Variants in TTL observed in about 807,000 individuals in gnomAD.
The protein encoded by TTL is tubulin tyrosine ligase, also known as tubulin--tyrosine ligase.
A neutral mutation model predicts 41.1 loss-of-function variants in TTL; 10 were observed. The ratio of observed to expected loss-of-function variants is 0.24; its 90% CI spans 0.15 to 0.41. TTL has a LOEUF of 0.41. Among genes scored for constraint, TTL ranks in the 10% least tolerant of loss-of-function variants. The pLI is 1.00. For missense variants in TTL, 367 were observed against 460.4 expected (o/e 0.80, Z 1.86); for synonymous variants, 175 against 175.5 (o/e 1.00, Z 0.02).
At chr2:112,510,450 A>G (rs573089068) in intron 5 of TTL, among the ~76,000 whole-genome samples, 1 of 152,016 alleles carries the variant, frequency 6.6e-6, no homozygotes, top group Admixed American at 6.6e-5. Flanking sequence ...TTAAGGTGAA[A>G]GTTTAAATAA....
chr2:112,521,148 A>G, intron 6 of TTL: 1 of 984,346 alleles, frequency 1.0e-6, no homozygotes, highest in Non-Finnish European at 1.2e-6. Context: ...CCGCTGCACC[A>G]AAGGTTGGTG....
Position 112,531,700 on chromosome 2 carries a change from T to A in TTL, c.*2905T>A, listed in dbSNP as rs1682513138. Reference sequence around the variant, plus strand: ...AGGCTTATGACTTAAAAAAAAAAATTCTTTTTGGAAACACAAGCATTTCTT... The same window carrying A: ...AGGCTTATGACTTAAAAAAAAAAATACTTTTTGGAAACACAAGCATTTCTT... On this transcript the variant is annotated 3_prime_UTR_variant, in exon 7 of 7. Coordinates refer to ENST00000233336, the MANE Select transcript of TTL (RefSeq NM_153712.5). 1 of 223,228 alleles carries A rather than the reference T, an allele frequency of 4.5e-6. No individual in the cohort carries two copies. The highest frequency in any genetic ancestry group is 1.8e-4 in the South Asian group (1 of 5,438). 13.8% of individuals were successfully genotyped at this position (223,228 alleles called of 1,614,324 possible).
chr2:112,502,003 C>T (rs1681714191), intron 4 of TTL, among the ~76,000 whole-genome samples: 1 of 152,296 alleles, frequency 6.6e-6, no homozygotes, highest in African/African-American at 2.4e-5. Context: ...ACAGGTTGTG[C>T]AACCTTGCCA....
intron 5 of TTL, among the ~76,000 whole-genome samples, chr2:112,512,625 G>A (rs185671034): frequency 9.9e-5 from 15 of 151,218 alleles, no homozygotes; most frequent in East Asian, 3.9e-4. Flanking sequence ...TGGAATTTCC[G>A]ACTTCAGGTG....
intron 6 of TTL, among the ~76,000 whole-genome samples, chr2:112,525,724 A>G (rs1003942747): frequency 5.3e-5 from 8 of 152,212 alleles, no homozygotes; most frequent in Admixed American, 4.6e-4. Flanking sequence ...CAATCATGTC[A>G]TCGGCAAACA....
At position 112,520,581 on chromosome 2, in the gene TTL, C is replaced by T. The variant is rs1159934616; in HGVS notation, c.1019+156C>T. 5.1e-6 allele frequency: 5 copies of T among 985,728 alleles called. No individual in the cohort carries two copies. The Admixed American group carries it at 1.3e-4, about 26-fold the overall frequency. 61.1% of individuals were successfully genotyped at this position (985,728 alleles called of 1,614,324 possible). On this transcript the variant is annotated intron_variant, in intron 6 of 6. Coordinates refer to ENST00000233336, the MANE Select transcript of TTL (RefSeq NM_153712.5). ...GGACTCTATCTGGCAGGGGGCTTTG[C>T]TGAGTCACTTCCTTTCCTATTTCCC...
chr2:112,536,989 T>C lies in TTL; in HGVS notation c.*8194T>C, dbSNP rs1485394904. On this transcript the variant is annotated 3_prime_UTR_variant, in exon 7 of 7. Transcript: ENST00000233336. ...TGTGAATAGCACTGTGATAAACATA[T>C]AGGTGCATGTGTCTTTCTGGTAGAA... is the stretch of plus-strand genomic sequence containing the variant. 1 of 152,250 alleles carries C rather than the reference T, an allele frequency of 6.6e-6. No homozygotes were observed. The highest frequency in any genetic ancestry group is 1.5e-5 in the Non-Finnish European group (1 of 68,060). 9.4% of individuals were successfully genotyped at this position (152,250 alleles called of 1,614,324 possible). A position where few individuals can be genotyped will look rare whatever the true frequency, so the allele number is the denominator to read the frequency against.
rs1436933488 is a variant in TTL at position 112,538,798 on chromosome 2, C to G, written c.*10003C>G. 1 of 151,588 alleles carries G rather than the reference C, an allele frequency of 6.6e-6. No homozygotes were observed. Among genetic ancestry groups the G allele is most frequent in the Non-Finnish European group, 1.5e-5 (1 of 67,916 alleles). The allele number at this position is 151,588 out of a possible 1,614,324, so 9.4% of individuals were successfully genotyped here. A position where few individuals can be genotyped will look rare whatever the true frequency, so the allele number is the denominator to read the frequency against. ...TCTCAAAAAAATTAAAAAGTGGGAG[C>G]TAAACATTGGGTACACATGGACATA... On this transcript the variant is annotated 3_prime_UTR_variant, in exon 7 of 7. Coordinates refer to ENST00000233336, the MANE Select transcript of TTL (RefSeq NM_153712.5).
intron 5 of TTL, among the ~76,000 whole-genome samples, chr2:112,514,572 C>A (rs1036029971): frequency 6.6e-6 from 1 of 152,156 alleles, no homozygotes; most frequent in Non-Finnish European, 1.5e-5. Flanking sequence ...TGGCTTCCAT[C>A]TTTTCTGCTG....
chr2:112,498,549 T>C (rs1286068759), intron 3 of TTL, among the ~76,000 whole-genome samples: 1 of 152,216 alleles, frequency 6.6e-6, no homozygotes, highest in Non-Finnish European at 1.5e-5. Context: ...TCTATAGGTT[T>C]ATGTAGTTCT....
At chr2:112,489,332 A>G (rs1301113322) in intron 2 of TTL, among the ~76,000 whole-genome samples, 1 of 152,228 alleles carries the variant, frequency 6.6e-6, no homozygotes, top group Non-Finnish European at 1.5e-5. Context: ...GAAGAAGTAG[A>G]TTTATGTACT....
At chr2:112,526,984 T>G (rs995021140) in intron 6 of TTL, among the ~76,000 whole-genome samples, 1 of 152,240 alleles carries the variant, frequency 6.6e-6, no homozygotes, top group African/African-American at 2.4e-5. Flanking sequence ...TCTGGTATGT[T>G]GTGGCTTTGT....
At chr2:112,511,566 TTTTC>T (rs1182233985) in intron 5 of TTL, among the ~76,000 whole-genome samples, 1 of 151,948 alleles carries the variant, frequency 6.6e-6, no homozygotes, top group African/African-American at 2.4e-5. Flanking sequence ...TTTTCTTTTT[TTTTC>T]TTTCTCTTTT....
At position 112,536,946 on chromosome 2, in the gene TTL, A is replaced by G. The variant is rs573779504; in HGVS notation, c.*8151A>G. On this transcript the variant is annotated 3_prime_UTR_variant, in exon 7 of 7. Coordinates refer to ENST00000233336, the MANE Select transcript of TTL (RefSeq NM_153712.5). ...CCACTGTTGATGGGCACCTAGGTTG[A>G]TTCCATGTCTTTGCTCTTGTGAATA... is the stretch of plus-strand genomic sequence containing the variant. 6.6e-6 allele frequency: 1 copy of G among 152,350 alleles called. No individual in the cohort carries two copies. The highest frequency in any genetic ancestry group is 2.4e-5 in the African/African-American group (1 of 41,576). The allele number at this position is 152,350 out of a possible 1,614,324, so 9.4% of individuals were successfully genotyped here.
chr2:112,507,751 G>A lies in TTL; in HGVS notation c.875+4570G>A, dbSNP rs1159970307. ...GGTTTCCTGAATACAGCACACTGAT[G>A]GGTCTTGACTCTATCCAACTTGCCA... On this transcript the variant is annotated intron_variant, in intron 5 of 6. Transcript: ENST00000233336. 2.7e-5 allele frequency among the ~76,000 whole-genome samples: 4 copies of A among 150,732 alleles called. No individual in the cohort carries two copies. In the Admixed American group the frequency reaches 2.7e-4, roughly 10 times the overall value.
intron 4 of TTL, among the ~76,000 whole-genome samples, chr2:112,502,073 CAG>C (rs1681715793): frequency 6.6e-6 from 1 of 152,160 alleles, no homozygotes; most frequent in African/African-American, 2.4e-5. Flanking sequence ...GACCACACCT[CAG>C]GGGATTTTAA....
Position 112,503,137 on chromosome 2 carries a change from T to C in TTL, c.831T>C (p.Ile277=). ...FNQYLTSALN[I]TLESSILLQI... ...AGTACCTAACAAGTGCTTTGAACAT[T>C]ACCCTAGAAAGTAGTATCTTACTAC... Residue 277 remains isoleucine (I), a synonymous_variant, in exon 5 of 7, where the codon ATT becomes ATC. Transcript: ENST00000233336. 1.2e-6 allele frequency: 2 copies of C among 1,611,078 alleles called. No individual in the cohort carries two copies. Among genetic ancestry groups the C allele is most frequent in the South Asian group, 1.1e-5 (1 of 90,978 alleles).
chr2:112,496,338 A>G (rs1681521522), intron 3 of TTL, among the ~76,000 whole-genome samples: 1 of 152,230 alleles, frequency 6.6e-6, no homozygotes, highest in African/African-American at 2.4e-5. Context: ...AAACCATAAA[A>G]TGAAACCAAT....
rs1380201141 is a variant in TTL, at chr2:112,485,990, A to C, written c.231A>C (p.Leu77Phe). 6.2e-7 allele frequency: 1 copy of C among 1,614,182 alleles called. No individual in the cohort carries two copies. The highest frequency in any genetic ancestry group is 8.5e-7 in the Non-Finnish European group (1 of 1,180,024). ...ACAAACTGTGTCGCAAAGCTTCTTTAGTGAAGTAAGTGTTAAGACCGCTGT... is the reference window on the plus strand; with the variant it reads ...ACAAACTGTGTCGCAAAGCTTCTTTCGTGAAGTAAGTGTTAAGACCGCTGT... The part of the protein sequence containing the change: ...GADKLCRKAS[L>F]VKLIKTSPEL... Residue 77 changes from leucine (L) to phenylalanine (F), a missense_variant, in exon 2 of 7, where the codon TTA becomes TTC. Coordinates refer to ENST00000233336, the MANE Select transcript of TTL (RefSeq NM_153712.5).
Sources: allele counts gnomAD v4.1 joint callset (sites outside exome capture counted in the v4.1 genomes callset), GRCh38; gene constraint gnomAD v4.1.1; transcripts MANE v1.5; gene names NCBI Gene and HGNC (gene_info 2026-07-23, HGNC 2026-07-21).